The following IGSF11 variants were observed in gnomAD, a reference collection of about 807,000 sequenced individuals.
IGSF11 encodes the protein immunoglobulin superfamily member 11, also known as CXADR like 1.
In IGSF11, 22 loss-of-function variants were observed where a neutral mutation model predicts 41.0. That is an observed-to-expected ratio of 0.54 (90% CI 0.38 to 0.77). The LOEUF (loss-of-function observed/expected upper bound fraction) is 0.77, where lower values mean the gene tolerates loss of function less well. Ranked by LOEUF, IGSF11 falls within the 30% of genes least tolerant of loss-of-function variation. The pLI, the probability that IGSF11 is intolerant of heterozygous loss-of-function variation, is 0.00. For synonymous variants in IGSF11, 219 were observed against 201.3 expected, an observed-to-expected ratio of 1.09 and a Z score of -0.74; for missense variants, 444 against 530.8, an observed-to-expected ratio of 0.84 and a Z score of 1.61.
intron 1 of IGSF11, among the ~76,000 whole-genome samples, chr3:119,139,538 GCTCT>G: frequency 6.6e-6 from 1 of 152,268 alleles, no homozygotes; most frequent in Admixed American, 6.5e-5. Flanking sequence ...CCCTGCACAA[GCTCT>G]CTCTTTTTGC....
rs1264017243 is a variant in IGSF11, at chr3:118,902,655, C to G, written c.1161G>C (p.Arg387Ser). Residue 387 changes from arginine (R) to serine (S), a missense_variant, in exon 7 of 7, where the codon AGG becomes AGC. Physicochemically the swap from Arg to Ser is moderately radical, Grantham distance 110 (BLOSUM62 -1). Transcript: ENST00000393775. ...GCTTCCTACTGACTGAGCCATTGCT[C>G]CTGGACATCACCTGTGGTGATGACC... ...NRGSSPQVMS[R>S]SNGSVSRKPR... 6.2e-7 allele frequency: 1 copy of G among 1,613,976 alleles called. No individual in the cohort carries two copies. Among genetic ancestry groups the G allele is most frequent in the African/African-American group, 1.3e-5 (1 of 74,896 alleles).
At chr3:119,056,283 A>C (rs1328985348) in intron 1 of IGSF11, among the ~76,000 whole-genome samples, 1 of 152,212 alleles carries the variant, frequency 6.6e-6, no homozygotes, top group Non-Finnish European at 1.5e-5. Flanking sequence ...AAAATGATAA[A>C]GGGGATATCA....
At position 118,956,207 on chromosome 3, in the gene IGSF11, G is replaced by A. The variant is rs577746392; in HGVS notation, c.53-25932C>T. On this transcript the variant is annotated intron_variant, in intron 1 of 6. Coordinates refer to ENST00000393775, the MANE Select transcript of IGSF11 (RefSeq NM_001015887.3). ...AGGTTTTGGCTTACAGAAATGTTGT[G>A]GCCGGTTTTATCTTTTATCCAGACC... Among the ~76,000 whole-genome samples, 45 of 152,280 alleles carry A rather than the reference G, an allele frequency of 3.0e-4. No homozygotes were observed. The East Asian group carries it at 4.4e-3, about 15-fold the overall frequency.
intron 1 of IGSF11, among the ~76,000 whole-genome samples, chr3:119,133,610 G>A (rs2077515616): frequency 6.6e-6 from 1 of 152,168 alleles, no homozygotes. Context: ...TCCAGGACCA[G>A]ACGGATTCAC....
At chr3:119,139,816 A>G (rs1195628038) in intron 1 of IGSF11, among the ~76,000 whole-genome samples, 1 of 152,216 alleles carries the variant, frequency 6.6e-6, no homozygotes, top group African/African-American at 2.4e-5. Flanking sequence ...AGCTGTGTGA[A>G]TGGGTTTATA....
intron 1 of IGSF11, among the ~76,000 whole-genome samples, chr3:119,031,957 C>T: frequency 6.6e-6 from 1 of 152,164 alleles, no homozygotes; most frequent in East Asian, 1.9e-4. Flanking sequence ...TTCAAGGAAT[C>T]ACAAGTATGA....
chr3:119,099,989 CA>C (rs1353409144), intron 1 of IGSF11, among the ~76,000 whole-genome samples: 2 of 151,568 alleles, frequency 1.3e-5, no homozygotes, highest in Non-Finnish European at 3.0e-5. Flanking sequence ...ATACGCTGGG[CA>C]AAGGAATGAT....
chr3:118,933,784 G>A (rs535290765), intron 1 of IGSF11, among the ~76,000 whole-genome samples: 5 of 152,036 alleles, frequency 3.3e-5, no homozygotes, highest in African/African-American at 9.7e-5. Flanking sequence ...AACTAGAATG[G>A]ACTTTTACGT....
chr3:118,921,018 C>T (rs12485923), intron 4 of IGSF11, among the ~76,000 whole-genome samples: 8,002 of 152,136 alleles, frequency 0.053, 341 homozygotes, highest in Admixed American at 0.15. Context: ...CTCTCCAGTC[C>T]CCATATTCAC....
chr3:119,133,772 A>G (rs1486193711), intron 1 of IGSF11, among the ~76,000 whole-genome samples: 4 of 152,250 alleles, frequency 2.6e-5, no homozygotes, highest in Admixed American at 1.3e-4. Context: ...AACAACAAAA[A>G]GAGAATTTTA....
At chr3:119,020,355 T>C (rs1300472186) in intron 1 of IGSF11, among the ~76,000 whole-genome samples, 1 of 152,162 alleles carries the variant, frequency 6.6e-6, no homozygotes, top group East Asian at 1.9e-4. Context: ...ACTGCCTCGA[T>C]GTCATCACTC....
At chr3:119,046,769 G>C (rs1209502922) in intron 1 of IGSF11, among the ~76,000 whole-genome samples, 4 of 151,970 alleles carry the variant, frequency 2.6e-5, no homozygotes, top group Non-Finnish European at 5.9e-5. Context: ...ACCCTCAAAG[G>C]GAAGCCCATC....
intron 1 of IGSF11, among the ~76,000 whole-genome samples, chr3:119,048,219 T>G (rs979845498): frequency 6.6e-6 from 1 of 152,048 alleles, no homozygotes; most frequent in Non-Finnish European, 1.5e-5. Context: ...GCTGGTTTTT[T>G]GAAAGGATCA....
intron 1 of IGSF11, among the ~76,000 whole-genome samples, chr3:118,980,986 A>G (rs561408468): frequency 1.9e-4 from 29 of 152,310 alleles, no homozygotes; most frequent in African/African-American, 7.0e-4. Flanking sequence ...AAACCCATTT[A>G]CCACTTTATG....
chr3:119,052,834 G>A (rs1241521072), intron 1 of IGSF11, among the ~76,000 whole-genome samples: 1 of 152,126 alleles, frequency 6.6e-6, no homozygotes, highest in African/African-American at 2.4e-5. Flanking sequence ...TGCAGGGTTG[G>A]TTTAACATAC....
intron 1 of IGSF11, among the ~76,000 whole-genome samples, chr3:119,092,787 T>G (rs1205506406): frequency 6.6e-6 from 1 of 152,204 alleles, no homozygotes; most frequent in African/African-American, 2.4e-5. Flanking sequence ...TTTTTCATCT[T>G]TATACCATAT....
chr3:118,962,168 T>A (rs1945379507), intron 1 of IGSF11, among the ~76,000 whole-genome samples: 1 of 152,186 alleles, frequency 6.6e-6, no homozygotes, highest in Non-Finnish European at 1.5e-5. Context: ...GAAACACAAT[T>A]TGAGATATTT....
At chr3:119,046,662 C>G (rs911124827) in intron 1 of IGSF11, among the ~76,000 whole-genome samples, 1 of 151,816 alleles carries the variant, frequency 6.6e-6, no homozygotes, top group South Asian at 2.1e-4. Flanking sequence ...AGATACTCCT[C>G]GAGAAGAGCA....
chr3:119,003,629 T>C (rs1937141954), intron 1 of IGSF11, among the ~76,000 whole-genome samples: 1 of 151,764 alleles, frequency 6.6e-6, no homozygotes, highest in South Asian at 2.1e-4. Context: ...TATTTTGAAA[T>C]ATGTCCCATC....
Sources: allele counts gnomAD v4.1 joint callset (sites outside exome capture counted in the v4.1 genomes callset), GRCh38; gene constraint gnomAD v4.1.1; transcripts MANE v1.5; gene names NCBI Gene and HGNC (gene_info 2026-07-23, HGNC 2026-07-21).